ROBO1: variants seen among roughly 807,000 people sequenced by gnomAD.
ROBO1 encodes the protein roundabout homolog 1.
Under a neutral mutation model 195.9 loss-of-function variants are expected in ROBO1, and 149 were observed. The ratio of observed to expected loss-of-function variants is 0.76; its 90% CI spans 0.67 to 0.87. ROBO1 has a LOEUF of 0.87. Ranked by LOEUF, ROBO1 falls within the 40% of genes least tolerant of loss-of-function variation. The pLI is 0.00. For missense variants in ROBO1, 1,933 were observed against 2,068.3 expected, an observed-to-expected ratio of 0.93 and a Z score of 1.27; for synonymous variants, 816 against 733.2, an observed-to-expected ratio of 1.11 and a Z score of -1.82.
chr3:79,643,263 A>G (rs1490448440), intron 1 of ROBO1, among the ~76,000 whole-genome samples: 1 of 152,180 alleles, frequency 6.6e-6, no homozygotes, highest in Non-Finnish European at 1.5e-5. Context: ...CTTCAGCCAC[A>G]GACTGAATGC....
intron 2 of ROBO1, among the ~76,000 whole-genome samples, chr3:79,492,427 G>A (rs28396799): frequency 0.37 from 40,784 of 109,122 alleles, 6,566 homozygotes; most frequent in East Asian, 0.45. Flanking sequence ...CTCTGTTTCA[G>A]AAAAAAAAAA....
chr3:79,199,104 G>T (rs1249803001), intron 2 of ROBO1, among the ~76,000 whole-genome samples: 1 of 151,790 alleles, frequency 6.6e-6, no homozygotes, highest in Non-Finnish European at 1.5e-5. Context: ...CTTGTCTTGT[G>T]CCGGTTTTTA....
In ROBO1 at chr3:78,968,912, T is replaced by G. The variant is rs73120660; in HGVS notation, c.173-29985A>C. The stretch of plus-strand genomic sequence containing the variant: ...TTTCTGTATTTTATCTTAATGAATC[T>G]CCATGATATTCCTATTTTTAAATAT... On this transcript the variant is annotated intron_variant, in intron 3 of 30. Transcript: ENST00000464233. 6.5e-3 allele frequency among the ~76,000 whole-genome samples: 995 copies of G among 152,292 alleles called. 5 individuals carry two copies. The highest frequency in any genetic ancestry group is 0.012 in the Non-Finnish European group (816 of 68,008).
At chr3:79,599,654 A>G (rs1385868085) in intron 1 of ROBO1, among the ~76,000 whole-genome samples, 2 of 151,982 alleles carry the variant, frequency 1.3e-5, no homozygotes, top group African/African-American at 2.4e-5. Flanking sequence ...AAAAGCTCAA[A>G]TCAATTTTTC....
At chr3:79,714,681 G>A (rs1299154316) in intron 1 of ROBO1, among the ~76,000 whole-genome samples, 3 of 152,032 alleles carry the variant, frequency 2.0e-5, no homozygotes, top group Non-Finnish European at 2.9e-5. Context: ...AAAAAATGAT[G>A]AGTTCATGTC....
chr3:79,173,448 C>T (rs1286026663), intron 2 of ROBO1, among the ~76,000 whole-genome samples: 1 of 152,076 alleles, frequency 6.6e-6, no homozygotes, highest in Non-Finnish European at 1.5e-5. Flanking sequence ...GCCAGCCCTG[C>T]CTCCCTGGGC....
chr3:79,412,873 G>GTTT (rs1575790696), intron 2 of ROBO1, among the ~76,000 whole-genome samples: 1 of 34,832 alleles, frequency 2.9e-5, no homozygotes. Flanking sequence ...CTCATGAGCT[G>GTTT]ATTTTTTTTT....
intron 2 of ROBO1, among the ~76,000 whole-genome samples, chr3:79,221,175 C>CA (rs1431739152): frequency 6.6e-6 from 1 of 151,902 alleles, no homozygotes; most frequent in African/African-American, 2.4e-5. Context: ...TCAGGCAGAG[C>CA]AAATAGTAAT....
chr3:79,197,277 C>A (rs1051979172), intron 2 of ROBO1, among the ~76,000 whole-genome samples: 17 of 151,656 alleles, frequency 1.1e-4, no homozygotes, highest in African/African-American at 4.1e-4. Flanking sequence ...TTATGAGTGA[C>A]AACATGAAGG....
intron 2 of ROBO1, among the ~76,000 whole-genome samples, chr3:79,136,270 C>G (rs561904255): frequency 7.2e-4 from 110 of 152,248 alleles, no homozygotes; most frequent in African/African-American, 2.4e-3. Flanking sequence ...TTTGCAATCA[C>G]AGCTCAAAAC....
chr3:78,623,427 G>A (rs1284451597), intron 26 of ROBO1, among the ~76,000 whole-genome samples: 1 of 152,184 alleles, frequency 6.6e-6, no homozygotes, highest in Non-Finnish European at 1.5e-5. Flanking sequence ...GAAACTTAGA[G>A]TGAAGACATC....
chr3:78,977,251 A>T (rs1170481859), intron 3 of ROBO1, among the ~76,000 whole-genome samples: 3 of 152,150 alleles, frequency 2.0e-5, no homozygotes, highest in African/African-American at 7.2e-5. Context: ...TCTAATTTAG[A>T]AAAATCAGAT....
chr3:79,118,055 A>G (rs2080040956), intron 3 of ROBO1, among the ~76,000 whole-genome samples: 2 of 152,190 alleles, frequency 1.3e-5, no homozygotes, highest in South Asian at 2.1e-4. Flanking sequence ...GACTGTACCC[A>G]TGGCTTGTGC....
intron 1 of ROBO1, among the ~76,000 whole-genome samples, chr3:79,699,024 GT>G (rs1233765128): frequency 1.3e-5 from 2 of 150,354 alleles, no homozygotes; most frequent in African/African-American, 4.9e-5. Flanking sequence ...GCACTGTGTA[GT>G]TTTTTTCAAA....
chr3:79,700,315 G>T (rs868611842), intron 1 of ROBO1, among the ~76,000 whole-genome samples: 1 of 97,130 alleles, frequency 1.0e-5, no homozygotes, highest in Non-Finnish European at 2.1e-5. Context: ...GTGTGTGTGT[G>T]TTTGTGTGTG....
chr3:79,007,834 C>T lies in ROBO1; in HGVS notation c.173-68907G>A, dbSNP rs369016569. ...ACCTACACAGCAATCAACCATTTAC[C>T]ATAAATTCCTTAAGCACAGGGAATG... On this transcript the variant is annotated intron_variant, in intron 3 of 30. Transcript: ENST00000464233. Among the ~76,000 whole-genome samples the T allele has an allele frequency of 5.3e-5, 8 of 152,246 alleles. No individual in the cohort carries two copies. In the South Asian group the frequency reaches 8.3e-4, roughly 16 times the overall value.
chr3:79,068,193 T>C (rs1001240451), intron 3 of ROBO1, among the ~76,000 whole-genome samples: 8 of 151,912 alleles, frequency 5.3e-5, no homozygotes, highest in African/African-American at 1.7e-4. Context: ...GGAGGTAATC[T>C]TGGAGACTGG....
chr3:78,998,493 T>C (rs571319741), intron 3 of ROBO1, among the ~76,000 whole-genome samples: 3 of 152,254 alleles, frequency 2.0e-5, no homozygotes, highest in South Asian at 4.1e-4. Flanking sequence ...TTGCATTTCA[T>C]GTTTTGTAAA....
chr3:79,388,306 T>C (rs1299008645), intron 2 of ROBO1, among the ~76,000 whole-genome samples: 1 of 152,056 alleles, frequency 6.6e-6, no homozygotes, highest in Non-Finnish European at 1.5e-5. Flanking sequence ...TTTTTTCATA[T>C]AATTAAAAAG....
Sources: allele counts gnomAD v4.1 joint callset (sites outside exome capture counted in the v4.1 genomes callset), GRCh38; gene constraint gnomAD v4.1.1; transcripts MANE v1.5; gene names NCBI Gene and HGNC (gene_info 2026-07-23, HGNC 2026-07-21).